PCDH15: variants seen among roughly 807,000 people sequenced by gnomAD.
PCDH15 encodes protocadherin-15.
Under a neutral mutation model 178.5 loss-of-function variants are expected in PCDH15, and 129 were observed. That is an observed-to-expected ratio of 0.72 (90% confidence interval 0.63 to 0.84). The LOEUF (loss-of-function observed/expected upper bound fraction) is 0.84. PCDH15 is among the 40% of genes least tolerant of loss of function. The pLI, the probability that PCDH15 is intolerant of heterozygous loss-of-function variation, is 0.00. For synonymous variants in PCDH15, 800 were observed against 732.0 expected (o/e 1.09, Z -1.50); for missense variants, 2,230 against 2,099.9 (o/e 1.06, Z -1.21).
chr10:54,569,673 G>A (rs2089523299), intron 2 of PCDH15, among the ~76,000 whole-genome samples: 1 of 152,070 alleles, frequency 6.6e-6, no homozygotes, highest in Non-Finnish European at 1.5e-5. Context: ...CAACTTAAAA[G>A]TCTTGGATGT....
At chr10:54,804,323 G>C (rs1952739618), upstream of PCDH15, among the ~76,000 whole-genome samples, 1 of 152,190 alleles carries the variant, frequency 6.6e-6, no homozygotes, top group African/African-American at 2.4e-5. Flanking sequence ...ACAGGCGTGA[G>C]CCACCGCGCC....
At chr10:55,151,932 G>A (rs2799586) in intron 2 of PCDH15, among the ~76,000 whole-genome samples, 81,442 of 151,630 alleles carry the variant, frequency 0.54, 22,326 homozygotes, top group South Asian at 0.66. Flanking sequence ...TATTAACAAG[G>A]ATGAGAGGTA....
chr10:53,979,256 C>T (rs1452344268), intron 21 of PCDH15, among the ~76,000 whole-genome samples: 2 of 152,182 alleles, frequency 1.3e-5, no homozygotes, highest in African/African-American at 4.8e-5. Context: ...ACAAGACATC[C>T]TTCTTCACAG....
At chr10:55,232,392 A>C (rs1378617493) in intron 1 of PCDH15, among the ~76,000 whole-genome samples, 3 of 152,102 alleles carry the variant, frequency 2.0e-5, no homozygotes, top group African/African-American at 4.8e-5. Flanking sequence ...TCTTGTAGAA[A>C]GTTATTTTAT....
intron 18 of PCDH15, among the ~76,000 whole-genome samples, chr10:54,054,054 T>C (rs2093832767): frequency 6.6e-6 from 1 of 152,072 alleles, no homozygotes; most frequent in African/African-American, 2.4e-5. Context: ...GAATAGTTAA[T>C]TGAGGTACAG....
intron 2 of PCDH15, among the ~76,000 whole-genome samples, chr10:55,370,134 A>G (rs1468591714): frequency 6.6e-6 from 1 of 152,134 alleles, no homozygotes; most frequent in African/African-American, 2.4e-5. Context: ...CTTAAATCTC[A>G]TGCACATTAA....
chr10:54,477,680 T>G (rs1029139031), intron 3 of PCDH15, among the ~76,000 whole-genome samples: 2 of 152,200 alleles, frequency 1.3e-5, no homozygotes, highest in Admixed American at 6.6e-5. Flanking sequence ...CACTGCAGCC[T>G]TCGACTTCTG....
chr10:55,521,928 A>C (rs1266837352), intron 2 of PCDH15, among the ~76,000 whole-genome samples: 3 of 151,918 alleles, frequency 2.0e-5, no homozygotes, highest in African/African-American at 7.2e-5. Flanking sequence ...ATCATGTGGC[A>C]TGTTGCTAGC....
intron 2 of PCDH15, among the ~76,000 whole-genome samples, chr10:54,971,807 T>C (rs1009725289): frequency 2.0e-5 from 3 of 152,226 alleles, no homozygotes; most frequent in Non-Finnish European, 4.4e-5. Flanking sequence ...AATATTCCCA[T>C]ACGTATATAT....
chr10:53,823,760 T>TA (rs1306575193), intron 32 of PCDH15: 4 of 450,576 alleles, frequency 8.9e-6, no homozygotes, highest in Middle Eastern at 3.3e-4. Flanking sequence ...GGCTGCCTGT[T>TA]ACGCATAGAA....
intron 1 of PCDH15, among the ~76,000 whole-genome samples, chr10:54,695,860 A>C (rs2095215321): frequency 6.6e-6 from 1 of 151,952 alleles, no homozygotes; most frequent in Admixed American, 6.6e-5. Flanking sequence ...ATGAATATTT[A>C]AGCCCCAATG....
At chr10:53,827,713 G>A (rs1443637154) in intron 31 of PCDH15, among the ~76,000 whole-genome samples, 165 bp from the exon 32 acceptor site, 1 of 152,176 alleles carries the variant, frequency 6.6e-6, no homozygotes, top group East Asian at 1.9e-4. Flanking sequence ...CATCCCCACA[G>A]GGTATCATTT....
At chr10:54,344,904 C>CAAAAAAAA (rs57295345) in intron 6 of PCDH15, among the ~76,000 whole-genome samples, 9 of 78,884 alleles carry the variant, frequency 1.1e-4, no homozygotes, top group Admixed American at 1.6e-4. Flanking sequence ...AGAAACAAAG[C>CAAAAAAAA]AAAAAAAAAA....
At chr10:55,200,572 C>T (rs1419353113) in intron 1 of PCDH15, among the ~76,000 whole-genome samples, 1 of 151,990 alleles carries the variant, frequency 6.6e-6, no homozygotes, top group Non-Finnish European at 1.5e-5. Context: ...TTTGGGAAGG[C>T]ATGAATGTGT....
At chr10:55,013,771 A>G (rs947115235) in intron 2 of PCDH15, among the ~76,000 whole-genome samples, 1 of 152,172 alleles carries the variant, frequency 6.6e-6, no homozygotes, top group African/African-American at 2.4e-5. Context: ...CCTGTTATCC[A>G]TAGGAAATAA....
chr10:53,942,161 T>G (rs2086121440), intron 23 of PCDH15, among the ~76,000 whole-genome samples: 1 of 152,244 alleles, frequency 6.6e-6, no homozygotes, highest in East Asian at 1.9e-4. Flanking sequence ...GGTCCATATA[T>G]TCATTGCATG....
chr10:54,374,644 C>T (rs955740605), intron 4 of PCDH15, among the ~76,000 whole-genome samples: 1 of 151,916 alleles, frequency 6.6e-6, no homozygotes, highest in Non-Finnish European at 1.5e-5. Context: ...AATTTTGTAA[C>T]TCTTCCTTTC....
At chr10:55,037,364 G>C (rs1840763405) in intron 2 of PCDH15, among the ~76,000 whole-genome samples, 1 of 152,040 alleles carries the variant, frequency 6.6e-6, no homozygotes, top group Non-Finnish European at 1.5e-5. Context: ...CTCCCAAGTA[G>C]CTGGGATTAC....
chr10:55,378,328 T>G (rs1837448429), intron 2 of PCDH15, among the ~76,000 whole-genome samples: 1 of 152,178 alleles, frequency 6.6e-6, no homozygotes, highest in African/African-American at 2.4e-5. Flanking sequence ...TTAGCAATTG[T>G]CAAAGAAGGG....
Sources: gnomAD v4.1 joint callset for allele counts (sites outside exome capture counted in the v4.1 genomes callset) on GRCh38, gnomAD v4.1.1 for gene constraint, MANE v1.5 for transcripts, NCBI Gene and HGNC (gene_info 2026-07-23, HGNC 2026-07-21) for gene names.